The following SAMD4B variants were observed in gnomAD, a reference collection of about 807,000 sequenced individuals.
The protein encoded by SAMD4B is protein Smaug homolog 2.
SAMD4B carries 5 observed loss-of-function variants against 74.5 expected under a neutral mutation model. The observed-to-expected ratio is 0.07, with a 90% CI of 0.04 to 0.14. The LOEUF is 0.14. SAMD4B is among the 10% of genes least tolerant of loss of function. The pLI, the probability that SAMD4B is intolerant of heterozygous loss-of-function variation, is 1.00. For missense variants in SAMD4B, 608 were observed against 921.8 expected, an observed-to-expected ratio of 0.66 and a Z score of 4.41; for synonymous variants, 373 against 374.9, an observed-to-expected ratio of 1.00 and a Z score of 0.06.
downstream of SAMD4B, chr19:39,389,453 T>A: frequency 6.2e-7 from 1 of 1,613,400 alleles, no homozygotes; most frequent in Non-Finnish European, 8.5e-7. This position sits in a 1 kb window ranked among gnomAD's most constrained non-coding sequence, Gnocchi z 5.3. Flanking sequence ...TGAGCCAGTC[T>A]CCAGTACCCA....
chr19:39,370,242 CT>C (rs2077208516), intron 4 of SAMD4B, 117 bp downstream of exon 4: 2 of 967,128 alleles, frequency 2.1e-6, no homozygotes, highest in Admixed American at 4.3e-5. Context: ...TAGGCCTCAA[CT>C]TTATGAGGCA....
intron 3 of SAMD4B, among the ~76,000 whole-genome samples, chr19:39,365,758 A>G (rs905533027): frequency 1.3e-5 from 2 of 152,252 alleles, no homozygotes; most frequent in Admixed American, 6.5e-5. Flanking sequence ...ATGCTCAATA[A>G]ACAGTATCCT....
intron 12 of SAMD4B, chr19:39,381,412 A>G (rs1006052290): frequency 3.2e-5 from 9 of 277,560 alleles, no homozygotes; most frequent in Non-Finnish European, 6.1e-5. Flanking sequence ...GCTCTTTGTC[A>G]TCATCTCTTT....
intron 12 of SAMD4B, among the ~76,000 whole-genome samples, chr19:39,381,685 G>C (rs766446704): frequency 1.3e-5 from 2 of 152,184 alleles, no homozygotes; most frequent in African/African-American, 2.4e-5. Flanking sequence ...ACTCACACCT[G>C]TAATTTCAGC....
At chr19:39,376,367 CACA>C (rs2077598367) in intron 5 of SAMD4B, 67 bp from the exon 6 acceptor site, 4 of 1,349,156 alleles carry the variant, frequency 3.0e-6, no homozygotes, top group Non-Finnish European at 4.2e-6. Context: ...GGTTTATCCC[CACA>C]ACTTTTCCTT....
downstream of SAMD4B, chr19:39,389,492 G>T: frequency 6.2e-7 from 1 of 1,614,144 alleles, no homozygotes; most frequent in Non-Finnish European, 8.5e-7. The surrounding 1 kb of genome is among the most constrained non-coding windows in gnomAD (Gnocchi z 5.3). Context: ...CTTGGAGCTG[G>T]TGGGGGCCTG....
At chr19:39,386,115 T>A, downstream of SAMD4B, 1 of 1,614,110 alleles carries the variant, frequency 6.2e-7, no homozygotes, top group South Asian at 1.1e-5. This position sits in a 1 kb window ranked among gnomAD's most constrained non-coding sequence, Gnocchi z 6.1. Flanking sequence ...CCGGCTCCGC[T>A]GGCCACCCCC....
chr19:39,377,779 G>A lies in SAMD4B; in HGVS notation c.1399G>A (p.Ala467Thr). 2 of 1,611,896 alleles carry A rather than the reference G, an allele frequency of 1.2e-6. No individual in the cohort carries two copies. The highest frequency in any genetic ancestry group is 1.7e-6 in the Non-Finnish European group (2 of 1,178,686). ...DGSEPAPAPV[A>T]DGDIPSQFTR... is the part of the protein sequence containing the mutation. The stretch of plus-strand genomic sequence containing the variant: ...CAGTGAGCCTGCCCCGGCTCCCGTC[G>A]CCGACGGAGACATCCCCAGCCAGTT... Residue 467 changes from alanine to threonine, a missense_variant, in exon 8 of 14, where the codon GCC (alanine) becomes ACC (threonine). Physicochemically the swap from Ala to Thr is moderately conservative, Grantham distance 58. Coordinates refer to ENST00000610417, the MANE Select transcript of SAMD4B (RefSeq NM_001384574.2).
At chr19:39,370,973 A>G (rs530671023) in intron 4 of SAMD4B, among the ~76,000 whole-genome samples, 6 of 152,248 alleles carry the variant, frequency 3.9e-5, no homozygotes, top group Non-Finnish European at 7.3e-5. Context: ...TCTGACCACT[A>G]CACTGTCCTG....
At chr19:39,390,309 C>T, downstream of SAMD4B, 4 of 1,605,622 alleles carry the variant, frequency 2.5e-6, no homozygotes, top group Non-Finnish European at 2.6e-6. Context: ...AAGAAAGAAA[C>T]AGTGATAGGT....
chr19:39,381,804 C>G (rs2078005163), intron 12 of SAMD4B, among the ~76,000 whole-genome samples: 1 of 152,204 alleles, frequency 6.6e-6, no homozygotes, highest in South Asian at 2.1e-4. Context: ...TGGTGGCACA[C>G]ACCCGTAGTC....
chr19:39,343,771 C>A (rs1332191211), intron 1 of SAMD4B, among the ~76,000 whole-genome samples: 5 of 151,834 alleles, frequency 3.3e-5, no homozygotes, highest in Admixed American at 1.3e-4. Flanking sequence ...CTTTTCCAGT[C>A]CCCCACATCA....
intron 3 of SAMD4B, among the ~76,000 whole-genome samples, chr19:39,367,507 CTTT>C (rs572713498): frequency 1.8e-5 from 2 of 110,800 alleles, no homozygotes; most frequent in Admixed American, 9.2e-5. Context: ...TTTTCTTTTT[CTTT>C]TTTTTTTTTT....
In SAMD4B at chr19:39,383,312, T is replaced by G; in HGVS notation, c.2056+21T>G. On this transcript the variant is annotated intron_variant, in intron 13 of 13. Coordinates refer to ENST00000610417, the MANE Select transcript of SAMD4B (RefSeq NM_001384574.2). This position sits in a 1 kb window ranked among gnomAD's most constrained non-coding sequence, Gnocchi z 4.1. ...GGGTGGTGAGCATTTCCTCTTTCCC[T>G]GACCCAGCTCCCACCTACCCAGCGT... is the stretch of plus-strand genomic sequence containing the variant. 6.2e-7 allele frequency: 1 copy of G among 1,611,916 alleles called. No individual in the cohort carries two copies. The highest frequency in any genetic ancestry group is 8.5e-7 in the Non-Finnish European group (1 of 1,177,958).
At chr19:39,367,373 C>G (rs534145628) in intron 3 of SAMD4B, among the ~76,000 whole-genome samples, 1 of 152,292 alleles carries the variant, frequency 6.6e-6, no homozygotes, top group East Asian at 1.9e-4. Context: ...TAGTTGGCCT[C>G]AGACCTAAAT....
chr19:39,376,876 C>A (rs898725835), intron 7 of SAMD4B, 85 bp downstream of exon 7: 7 of 1,172,198 alleles, frequency 6.0e-6, no homozygotes, highest in East Asian at 2.5e-5. Context: ...GGCCTCCAGA[C>A]TCCTCGGATG....
intron 1 of SAMD4B, among the ~76,000 whole-genome samples, chr19:39,353,657 A>G (rs1195992421): frequency 1.3e-5 from 2 of 152,130 alleles, no homozygotes; most frequent in Non-Finnish European, 2.9e-5. Context: ...GCTGGAGTGC[A>G]GTGGCATAAT....
At chr19:39,356,412 G>T (rs990566976) in intron 2 of SAMD4B, among the ~76,000 whole-genome samples, 3 of 152,174 alleles carry the variant, frequency 2.0e-5, no homozygotes, top group African/African-American at 7.2e-5. Flanking sequence ...TGTTAAATCC[G>T]CTTCCTTTGA....
downstream of SAMD4B, chr19:39,388,755 C>T: frequency 6.2e-7 from 1 of 1,612,454 alleles, no homozygotes; most frequent in Non-Finnish European, 8.5e-7. Context: ...ACAGCAGGAC[C>T]ACCTACCTAA....
Sources: gnomAD v4.1 joint callset for allele counts (sites outside exome capture counted in the v4.1 genomes callset) on GRCh38, gnomAD v4.1.1 for gene constraint, Gnocchi (gnomAD v3.1) non-coding constraint, MANE v1.5 for transcripts, NCBI Gene and HGNC (gene_info 2026-07-23, HGNC 2026-07-21) for gene names.